Variants in NPR2 observed in about 807,000 individuals in gnomAD.
NPR2 encodes atrial natriuretic peptide receptor 2.
A neutral mutation model predicts 120.7 loss-of-function variants in NPR2; 49 were observed. The observed-to-expected ratio is 0.41, with a 90% CI of 0.32 to 0.52. The LOEUF is 0.52. NPR2 is among the 20% of genes least tolerant of loss of function. The probability of loss-of-function intolerance (pLI) is 0.36; values close to 1 mark genes in which losing one functional copy is unlikely to be tolerated. For synonymous variants in NPR2, 484 were observed against 519.8 expected (o/e 0.93, Z 0.94); for missense variants, 931 against 1,362.9 (o/e 0.68, Z 4.99).
Position 35,800,998 on chromosome 9 carries a change from A to G in NPR2, c.1352-72A>G, listed in dbSNP as rs181826670. On this transcript the variant is annotated intron_variant, in intron 6 of 21. Transcript: ENST00000342694. The surrounding 1 kb of genome is among the most constrained non-coding windows in gnomAD (Gnocchi z 4.7). Reference sequence around the variant, plus strand: ...CTACTCCCAAGGAGTCTGTCTATGCACCTATGCACCCCGTTCTCCATTCTG... The same window carrying G: ...CTACTCCCAAGGAGTCTGTCTATGCGCCTATGCACCCCGTTCTCCATTCTG... 2.0e-6 allele frequency: 3 copies of G among 1,515,326 alleles called. No individual in the cohort carries two copies. Among genetic ancestry groups the G allele is most frequent in the Non-Finnish European group, 2.8e-6 (3 of 1,090,042 alleles). 93.9% of individuals were successfully genotyped at this position (1,515,326 alleles called of 1,614,324 possible). A position where few individuals can be genotyped will look rare whatever the true frequency, so the allele number is the denominator to read the frequency against.
Position 35,806,026 on chromosome 9 carries a change from G to T in NPR2, c.2204-39G>T. On this transcript the variant is annotated intron_variant, in intron 14 of 21. Transcript: ENST00000342694. The surrounding 1 kb of genome is among the most constrained non-coding windows in gnomAD (Gnocchi z 4.6). ...CTACCCACAGCCTCTTCTTCCTGGG[G>T]GAACTCTGTTCTTCATCCAAACCTT... The T allele has an allele frequency of 6.2e-7, 1 of 1,614,150 alleles. No individual in the cohort carries two copies.
chr9:35,800,041 G>A lies in NPR2; in HGVS notation c.1007G>A (p.Cys336Tyr). ...CCCCAGATGAACCTCATCGCTGGCTGCTTCTATGATGGGATCCTGCTATAT... is the reference window on the plus strand; with the variant it reads ...CCCCAGATGAACCTCATCGCTGGCTACTTCTATGATGGGATCCTGCTATAT... ...GPSLMNLIAG[C>Y]FYDGILLYAE... Residue 336 changes from cysteine to tyrosine, a missense_variant, in exon 4 of 22, where the codon TGC (cysteine) becomes TAC (tyrosine). Cys to Tyr is a radical substitution (Grantham distance 194, BLOSUM62 -2). Coordinates refer to ENST00000342694, the MANE Select transcript of NPR2 (RefSeq NM_003995.4). This position sits in a 1 kb window ranked among gnomAD's most constrained non-coding sequence, Gnocchi z 4.7. 6.2e-7 allele frequency: 1 copy of A among 1,614,142 alleles called. No individual in the cohort carries two copies. Among genetic ancestry groups the A allele is most frequent in the Non-Finnish European group, 8.5e-7 (1 of 1,180,024 alleles).
In NPR2 at chr9:35,800,265, T is replaced by G; in HGVS notation, c.1123+108T>G. The G allele has an allele frequency of 7.2e-7, 1 of 1,397,510 alleles. No individual in the cohort carries two copies. Among genetic ancestry groups the G allele is most frequent in the Non-Finnish European group, 1.0e-6 (1 of 982,868 alleles). 86.6% of individuals were successfully genotyped at this position (1,397,510 alleles called of 1,614,324 possible). ...CACAGCTTTAGTGGGGGTTAGTGAA[T>G]ATGGCAGAGTTGCCCACACCTCAAG... On this transcript the variant is annotated intron_variant, in intron 4 of 21. Coordinates refer to ENST00000342694, the MANE Select transcript of NPR2 (RefSeq NM_003995.4). This position sits in a 1 kb window ranked among gnomAD's most constrained non-coding sequence, Gnocchi z 4.7.
At chr9:35,793,139 C>A (rs893571446) in intron 1 of NPR2, 64 bp downstream of exon 1, 3 of 1,464,750 alleles carry the variant, frequency 2.0e-6, no homozygotes, top group African/African-American at 2.8e-5. Flanking sequence ...TAAAGCTCAG[C>A]ACTGGGGAAC....
At position 35,792,684 on chromosome 9, in the gene NPR2, C is replaced by T. The variant is rs765694051; in HGVS notation, c.276C>T (p.Asp92=). Residue 92 remains aspartate, a synonymous_variant, in exon 1 of 22, where the codon GAC becomes GAT. Transcript: ENST00000342694. ...CTGTGGACCTCAAGCTGTACCATGA[C>T]CCCGACCTGCTGTTAGGTCCCGGTT... The part of the protein sequence containing the change: ...LSAVDLKLYH[D]PDLLLGPGCV... 3 of 1,614,156 alleles carry T rather than the reference C, an allele frequency of 1.9e-6. No homozygotes were observed. The highest frequency in any genetic ancestry group is 3.3e-5 in the Admixed American group (2 of 60,034).
At position 35,792,496 on chromosome 9, in the gene NPR2, G is replaced by A; in HGVS notation, c.88G>A (p.Val30Met). ...GGCGCGGAACCTGACGCTGGCGGTG[G>A]TGCTGCCAGAACACAACCTGAGCTA... ...PGARNLTLAVVLPEHNLSYAW... is the reference protein window; with the variant it reads ...PGARNLTLAVMLPEHNLSYAW... Residue 30 changes from valine (V) to methionine (M), a missense_variant, in exon 1 of 22, where the codon GTG becomes ATG. Physicochemically the swap from Val to Met is conservative, Grantham distance 21. This residue lies in a region of NPR2 where 681 missense variants were observed against 974.3 expected (regional missense o/e 0.70). Transcript: ENST00000342694. The A allele has an allele frequency of 6.2e-7, 1 of 1,610,428 alleles. No individual in the cohort carries two copies. Among genetic ancestry groups the A allele is most frequent in the Non-Finnish European group, 8.5e-7 (1 of 1,179,904 alleles).
Position 35,792,463 on chromosome 9 carries a change from C to T in NPR2, c.55C>T (p.Pro19Ser), listed in dbSNP as rs747857824. The T allele has an allele frequency of 1.2e-6, 2 of 1,611,062 alleles. No homozygotes were observed. The highest frequency in any genetic ancestry group is 3.3e-5 in the Admixed American group (2 of 60,006). ...GGCAGCCCTGGCAGGTGGGGTGCGTCCTCCCGGGGCGCGGAACCTGACGCT... is the reference window on the plus strand; with the variant it reads ...GGCAGCCCTGGCAGGTGGGGTGCGTTCTCCCGGGGCGCGGAACCTGACGCT... ...LVAALAGGVR[P>S]PGARNLTLAV... Residue 19 changes from proline (P) to serine (S), a missense_variant, in exon 1 of 22, where the codon CCT (proline) becomes TCT (serine). This residue lies in a region of NPR2 where 681 missense variants were observed against 974.3 expected (regional missense o/e 0.70). Coordinates refer to ENST00000342694, the MANE Select transcript of NPR2 (RefSeq NM_003995.4).
rs565863229 is a variant in NPR2 at position 35,800,566 on chromosome 9, A to G, written c.1218+83A>G. The stretch of plus-strand genomic sequence containing the variant: ...GTTCAGTCGGGGCAGAACCAAAACT[A>G]CTAGATGAGGGATTTGTTTTCTCTG... On this transcript the variant is annotated intron_variant, in intron 5 of 21. Coordinates refer to ENST00000342694, the MANE Select transcript of NPR2 (RefSeq NM_003995.4). This position sits in a 1 kb window ranked among gnomAD's most constrained non-coding sequence, Gnocchi z 4.7. The G allele has an allele frequency of 3.8e-5, 60 of 1,563,416 alleles. 1 individual carries two copies. The South Asian group carries it at 6.1e-4, about 16-fold the overall frequency.
rs761419241 is a variant in NPR2 at position 35,806,798 on chromosome 9, T to C, written c.2520-225T>C. Among the ~76,000 whole-genome samples the C allele has an allele frequency of 3.3e-5, 5 of 152,170 alleles. No individual in the cohort carries two copies. Among genetic ancestry groups the C allele is most frequent in the African/African-American group, 7.2e-5 (3 of 41,420 alleles). ...CAAGTGTATGTAAAACAGTCCCAAC[T>C]TGAGACAGCTCCCATGCACAGGGAT... On this transcript the variant is annotated intron_variant, in intron 16 of 21. Coordinates refer to ENST00000342694, the MANE Select transcript of NPR2 (RefSeq NM_003995.4). The surrounding 1 kb of genome is among the most constrained non-coding windows in gnomAD (Gnocchi z 4.6).
chr9:35,808,409 G>A lies in NPR2; in HGVS notation c.2713-100G>A. On this transcript the variant is annotated intron_variant, in intron 18 of 21. Coordinates refer to ENST00000342694, the MANE Select transcript of NPR2 (RefSeq NM_003995.4). The surrounding 1 kb of genome is among the most constrained non-coding windows in gnomAD (Gnocchi z 4.0). Reference sequence around the variant, plus strand: ...TAGTCAATATTCTGGTCTCCAGCATGTCAGGATGATTAATGATGGTGTCAA... The same window carrying A: ...TAGTCAATATTCTGGTCTCCAGCATATCAGGATGATTAATGATGGTGTCAA... 2.1e-6 allele frequency: 3 copies of A among 1,428,296 alleles called. No homozygotes were observed. In the Middle Eastern group the frequency reaches 5.2e-4, roughly 249 times the overall value. 88.5% of individuals were successfully genotyped at this position (1,428,296 alleles called of 1,614,324 possible).
intron 18 of NPR2, 100 bp downstream of exon 18, chr9:35,807,498 C>A: frequency 1.1e-6 from 1 of 948,368 alleles, no homozygotes; most frequent in Non-Finnish European, 1.7e-6. Flanking sequence ...ACCCCATGAT[C>A]AGTTTTCCCT....
rs1563988957 is a variant in NPR2 at position 35,802,724 on chromosome 9, CT to C, written c.1816-6del. 1 of 1,603,838 alleles carries C rather than the reference CT, an allele frequency of 6.2e-7. No individual in the cohort carries two copies. Among genetic ancestry groups the C allele is most frequent in the East Asian group, 2.2e-5 (1 of 44,848 alleles). ...AGGACAGACAGTCTATTCCATGTCACTTACCAGGATATTCTAGAAAATGACA... is the reference window on the plus strand; with the variant it reads ...AGGACAGACAGTCTATTCCATGTCACTACCAGGATATTCTAGAAAATGACA... On this transcript the variant is annotated splice_polypyrimidine_tract_variant and splice_region_variant and intron_variant, in intron 11 of 21. Transcript: ENST00000342694. This position sits in a 1 kb window ranked among gnomAD's most constrained non-coding sequence, Gnocchi z 4.2.
rs779630967 is a variant in NPR2 at position 35,808,194 on chromosome 9, A to C, written c.2713-315A>C. The C allele has an allele frequency of 1.7e-5, 27 of 1,613,840 alleles. No homozygotes were observed. Among genetic ancestry groups the C allele is most frequent in the Non-Finnish European group, 8.5e-7 (1 of 1,179,958 alleles). ...CTCCTCACCAGCCTCTGTCCTCTTG[A>C]GTTACCGTTTTCTTGCTTCCCATTT... On this transcript the variant is annotated intron_variant, in intron 18 of 21. Transcript: ENST00000342694. The surrounding 1 kb of genome is among the most constrained non-coding windows in gnomAD (Gnocchi z 4.0).
rs966583213 is a variant in NPR2, at chr9:35,799,747, C to G, written c.987+16C>G. 6.3e-7 allele frequency: 1 copy of G among 1,590,150 alleles called. No individual in the cohort carries two copies. The highest frequency in any genetic ancestry group is 1.1e-5 in the South Asian group (1 of 90,566). The stretch of plus-strand genomic sequence containing the variant: ...CCCTTCCCTGGTAAGTAGATCTCTC[C>G]CTTCCTGAGAGTCAGGTCAAGCTTT... On this transcript the variant is annotated intron_variant, in intron 3 of 21. Transcript: ENST00000342694.
Position 35,806,392 on chromosome 9 carries a change from G to A in NPR2, c.2373G>A (p.Lys791=). ...GTGCCTTATCCTGGCCTCCCTCTAGGGAGGGTGGCACCAGCATATTGGACA... is the reference window on the plus strand; with the variant it reads ...GTGCCTTATCCTGGCCTCCCTCTAGAGAGGGTGGCACCAGCATATTGGACA... ...QIKGFIRRFN[K]EGGTSILDNL... Residue 791 remains lysine, a splice_region_variant and synonymous_variant, in exon 16 of 22, where the codon AAG becomes AAA. Coordinates refer to ENST00000342694, the MANE Select transcript of NPR2 (RefSeq NM_003995.4). The surrounding 1 kb of genome is among the most constrained non-coding windows in gnomAD (Gnocchi z 4.6). 4.3e-6 allele frequency: 7 copies of A among 1,613,232 alleles called. No individual in the cohort carries two copies. Among genetic ancestry groups the A allele is most frequent in the Non-Finnish European group, 5.9e-6 (7 of 1,179,168 alleles).
intron 2 of NPR2, among the ~76,000 whole-genome samples, chr9:35,795,957 C>A (rs1827933162): frequency 6.6e-6 from 1 of 152,210 alleles, no homozygotes; most frequent in Admixed American, 6.5e-5. Context: ...GAGAGCATAA[C>A]AGACTTTGTT....
In NPR2 at chr9:35,801,058, T is replaced by A. The variant is rs940617834; in HGVS notation, c.1352-12T>A. On this transcript the variant is annotated splice_polypyrimidine_tract_variant and intron_variant, in intron 6 of 21. Transcript: ENST00000342694. The stretch of plus-strand genomic sequence containing the variant: ...CACACAGTCTTCCTCAGGGTCTCTA[T>A]TTCCCCTTCAGCTCCACTTTCAACC... 34 of 1,611,212 alleles carry A rather than the reference T, an allele frequency of 2.1e-5. No homozygotes were observed. Among genetic ancestry groups the A allele is most frequent in the Non-Finnish European group, 2.9e-5 (34 of 1,177,420 alleles).
In NPR2 at chr9:35,801,069, G is replaced by C; in HGVS notation, c.1352-1G>C. 6.2e-7 allele frequency: 1 copy of C among 1,613,398 alleles called. No individual in the cohort carries two copies. Among genetic ancestry groups the C allele is most frequent in the South Asian group, 1.1e-5 (1 of 91,058 alleles). ...CCTCAGGGTCTCTATTTCCCCTTCA[G>C]CTCCACTTTCAACCCTGGCAATTGT... On this transcript the variant is annotated splice_acceptor_variant, in intron 6 of 21. Coordinates refer to ENST00000342694, the MANE Select transcript of NPR2 (RefSeq NM_003995.4). LOFTEE classifies it high-confidence loss of function.
Position 35,792,515 on chromosome 9 carries a change from T to G in NPR2, c.107T>G (p.Leu36Arg). ...GCGGTGGTGCTGCCAGAACACAACCTGAGCTATGCCTGGGCCTGGCCACGG... is the reference window on the plus strand; with the variant it reads ...GCGGTGGTGCTGCCAGAACACAACCGGAGCTATGCCTGGGCCTGGCCACGG... ...TLAVVLPEHN[L>R]SYAWAWPRVG... Residue 36 changes from leucine to arginine, a missense_variant, in exon 1 of 22, where the codon CTG (leucine) becomes CGG (arginine). Physicochemically the swap from Leu to Arg is moderately radical, Grantham distance 102. This residue lies in a region of NPR2 where 681 missense variants were observed against 974.3 expected (regional missense o/e 0.70). Transcript: ENST00000342694. 2 of 1,610,620 alleles carry G rather than the reference T, an allele frequency of 1.2e-6. No individual in the cohort carries two copies. Among genetic ancestry groups the G allele is most frequent in the Non-Finnish European group, 8.5e-7 (1 of 1,179,878 alleles).
Sources: allele counts gnomAD v4.1 joint callset (sites outside exome capture counted in the v4.1 genomes callset), GRCh38; gene constraint gnomAD v4.1.1; regional missense constraint gnomAD v4.1.1; non-coding constraint Gnocchi (gnomAD v3.1); transcripts MANE v1.5; gene names NCBI Gene and HGNC (gene_info 2026-07-23, HGNC 2026-07-21).